The following GSE1 variants were observed in gnomAD, a reference collection of about 807,000 sequenced individuals.
GSE1 encodes the protein Gse1 coiled-coil protein.
A neutral mutation model predicts 112.6 loss-of-function variants in GSE1; 32 were observed. That is an observed-to-expected ratio of 0.28 (90% CI 0.21 to 0.38). The LOEUF is 0.38. Ranked by LOEUF, GSE1 falls within the 10% of genes least tolerant of loss-of-function variation. The pLI is 1.00. For missense variants in GSE1, 2,348 were observed against 1,699.2 expected, an observed-to-expected ratio of 1.38 and a Z score of -6.71; for synonymous variants, 1,115 against 735.6, an observed-to-expected ratio of 1.52 and a Z score of -8.35.
intron 9 of GSE1, 107 bp downstream of exon 9, chr16:85,661,872 C>G (rs781553944): frequency 2.6e-6 from 3 of 1,173,922 alleles, no homozygotes; most frequent in Admixed American, 5.8e-5. Context: ...TGCTTTTTGC[C>G]TGGGGTAGTC....
intron 1 of GSE1, among the ~76,000 whole-genome samples, chr16:85,202,517 G>T (rs868285709): frequency 6.6e-6 from 1 of 152,226 alleles, no homozygotes; most frequent in Admixed American, 6.5e-5. Context: ...CTGATGGGGA[G>T]GGGGCCGGCT....
At chr16:85,185,627 C>G (rs1003597244) in intron 1 of GSE1, among the ~76,000 whole-genome samples, 26 of 152,236 alleles carry the variant, frequency 1.7e-4, no homozygotes, top group African/African-American at 6.3e-4. Flanking sequence ...CAGATCTTCC[C>G]AGGACTCACA....
intron 1 of GSE1, among the ~76,000 whole-genome samples, chr16:85,616,517 G>C (rs2048381332): frequency 6.6e-6 from 1 of 152,290 alleles, no homozygotes; most frequent in African/African-American, 2.4e-5. Flanking sequence ...ACCCTCTCTG[G>C]GTAGCCTGTG....
chr16:85,396,359 G>A (rs1453030904), intron 2 of GSE1, among the ~76,000 whole-genome samples: 1 of 152,234 alleles, frequency 6.6e-6, no homozygotes, highest in African/African-American at 2.4e-5. Flanking sequence ...GCGCAGACAG[G>A]CCCTGTCTTG....
chr16:85,660,666 T>C (rs1234123923), intron 8 of GSE1, among the ~76,000 whole-genome samples: 17 of 151,524 alleles, frequency 1.1e-4, no homozygotes, highest in Admixed American at 6.6e-4. Context: ...AGTCTTGCTC[T>C]GTCGCCTAGG....
chr16:85,312,077 G>T (rs369054957), intron 1 of GSE1, among the ~76,000 whole-genome samples: 2 of 152,220 alleles, frequency 1.3e-5, no homozygotes, highest in East Asian at 3.9e-4. Context: ...TGCACCCCCA[G>T]AGCCCTGGGG....
chr16:85,657,509 G>A lies in GSE1; in HGVS notation c.1545G>A (p.Val515=), dbSNP rs763810047. 19 of 1,605,570 alleles carry A rather than the reference G, an allele frequency of 1.2e-5. No individual in the cohort carries two copies. In the South Asian group the frequency reaches 1.6e-4, roughly 13 times the overall value. ...AGAAGGAGGACCGGCAGTCTCAGGT[G>A]TCCGAGTTCCGGCAGCAGGTGCTGG... ...RQEKEDRQSQ[V]SEFRQQVLEQ... Residue 515 remains valine (V), a synonymous_variant, in exon 8 of 16, where the codon GTG becomes GTA. Transcript: ENST00000253458.
chr16:85,466,777 T>C (rs1484474529), intron 2 of GSE1, among the ~76,000 whole-genome samples: 1 of 151,518 alleles, frequency 6.6e-6, no homozygotes, highest in Non-Finnish European at 1.5e-5. Flanking sequence ...GGGAGGAAGA[T>C]GGCTGAACGC....
At chr16:85,535,041 C>CACATACACAG (rs1186860527) in intron 2 of GSE1, among the ~76,000 whole-genome samples, 5 of 152,200 alleles carry the variant, frequency 3.3e-5, no homozygotes, top group Admixed American at 6.5e-5. Context: ...GGGACTGTCT[C>CACATACACAG]ACATACACAG....
chr16:85,498,569 T>C (rs1427681755), intron 2 of GSE1, among the ~76,000 whole-genome samples: 2 of 146,110 alleles, frequency 1.4e-5, no homozygotes, highest in Non-Finnish European at 3.0e-5. Flanking sequence ...ATACACCCCA[T>C]GCATACCTTA....
intron 1 of GSE1, among the ~76,000 whole-genome samples, chr16:85,350,546 C>A (rs1274008231): frequency 6.6e-6 from 1 of 152,120 alleles, no homozygotes; most frequent in African/African-American, 2.4e-5. Context: ...TGGACAGGCC[C>A]CGCCCCCACC....
intron 2 of GSE1, among the ~76,000 whole-genome samples, chr16:85,376,661 A>G (rs911496591): frequency 6.6e-6 from 1 of 152,220 alleles, no homozygotes; most frequent in African/African-American, 2.4e-5. Context: ...AGGCCAGCCC[A>G]GAGGGAGAGA....
intron 1 of GSE1, among the ~76,000 whole-genome samples, chr16:85,251,761 A>T (rs1247957622): frequency 6.6e-6 from 1 of 152,240 alleles, no homozygotes; most frequent in Non-Finnish European, 1.5e-5. Flanking sequence ...GTGATTCTGC[A>T]TCAAGGGGCC....
chr16:85,651,865 A>G (rs890301514), intron 3 of GSE1, among the ~76,000 whole-genome samples: 5 of 152,166 alleles, frequency 3.3e-5, no homozygotes, highest in African/African-American at 1.2e-4. Context: ...CCTGGTGTTC[A>G]TTGGGGTGCT....
Position 85,463,148 on chromosome 16 carries a change from C to A in GSE1, c.2464+105505C>A, listed in dbSNP as rs2050022035. 6.1e-6 allele frequency: 6 copies of A among 980,680 alleles called. No individual in the cohort carries two copies. The South Asian group carries it at 2.8e-4, about 46-fold the overall frequency. 60.7% of individuals were successfully genotyped at this position (980,680 alleles called of 1,614,324 possible). On this transcript the variant is annotated intron_variant, in intron 2 of 2. Coordinates refer to the GSE1 transcript ENST00000637419. ...TCAGTAAGTGCCCAGCTCACCGCCC[C>A]GTGGACGGGAGGGTGGGGGGTCCGG... is the stretch of plus-strand genomic sequence containing the variant.
Position 85,671,227 on chromosome 16 carries a change from T to C in GSE1, c.3519+129T>C, listed in dbSNP as rs984242695. ...GATCAAAATTTGGCGGATCACGAGG[T>C]CAGGAGATCGAGACCATCCCGGCTA... On this transcript the variant is annotated intron_variant, in intron 15 of 15. Coordinates refer to ENST00000253458, the MANE Select transcript of GSE1 (RefSeq NM_014615.5). The C allele has an allele frequency of 8.8e-5, 48 of 545,086 alleles. No homozygotes were observed. The African/African-American group carries it at 8.9e-4, about 10-fold the overall frequency. The allele number at this position is 545,086 out of a possible 1,614,324, so 33.8% of individuals were successfully genotyped here.
At chr16:85,598,936 C>T (rs199876044) in intron 1 of GSE1, among the ~76,000 whole-genome samples, 2 of 152,198 alleles carry the variant, frequency 1.3e-5, no homozygotes, top group Admixed American at 6.5e-5. Flanking sequence ...GTGGTTGGCA[C>T]AAGAAACTGC....
At chr16:85,189,699 T>G (rs2074782512) in intron 1 of GSE1, among the ~76,000 whole-genome samples, 1 of 152,242 alleles carries the variant, frequency 6.6e-6, no homozygotes, top group South Asian at 2.1e-4. Flanking sequence ...GTACTGACAA[T>G]GAGAATTCTC....
intron 2 of GSE1, among the ~76,000 whole-genome samples, chr16:85,403,526 AC>A (rs1483252931): frequency 6.6e-6 from 1 of 152,136 alleles, no homozygotes; most frequent in Non-Finnish European, 1.5e-5. Flanking sequence ...ACAGTGGCTC[AC>A]ACCTGAAATC....
Sources: allele counts gnomAD v4.1 joint callset (sites outside exome capture counted in the v4.1 genomes callset), GRCh38; gene constraint gnomAD v4.1.1; transcripts MANE v1.5; gene names NCBI Gene and HGNC (gene_info 2026-07-23, HGNC 2026-07-21).